Variants in COL22A1 observed in about 807,000 individuals in gnomAD.
COL22A1 encodes the protein collagen type XXII alpha 1 chain.
A neutral mutation model predicts 248.9 loss-of-function variants in COL22A1; 221 were observed. The observed-to-expected ratio is 0.89, with a 90% CI of 0.80 to 0.99. The LOEUF (loss-of-function observed/expected upper bound fraction) is 0.99, where lower values mean the gene tolerates loss of function less well. COL22A1 is among the 50% of genes least tolerant of loss of function. The probability of loss-of-function intolerance (pLI) is 0.00; values close to 1 mark genes in which losing one functional copy is unlikely to be tolerated. For missense variants in COL22A1, 2,240 were observed against 2,179.0 expected, an observed-to-expected ratio of 1.03 and a Z score of -0.56; for synonymous variants, 891 against 793.4, an observed-to-expected ratio of 1.12 and a Z score of -2.07.
chr8:138,885,937 C>A (rs1824633104), intron 1 of COL22A1, among the ~76,000 whole-genome samples: 1 of 152,172 alleles, frequency 6.6e-6, no homozygotes, highest in African/African-American at 2.4e-5. Context: ...GGGCTTATAT[C>A]AAATGCCTCA....
chr8:138,630,632 A>G, intron 50 of COL22A1, 63 bp downstream of exon 50: 2 of 1,460,708 alleles, frequency 1.4e-6, no homozygotes, highest in Non-Finnish European at 1.9e-6. Context: ...ATTGGCAAAC[A>G]CCTGGGGTTC....
intron 4 of COL22A1, among the ~76,000 whole-genome samples, chr8:138,836,327 A>C (rs147313994): frequency 1.3e-5 from 2 of 152,300 alleles, no homozygotes; most frequent in African/African-American, 4.8e-5. Flanking sequence ...GAAAAGGAAA[A>C]GGAAAAGACC....
intron 1 of COL22A1, among the ~76,000 whole-genome samples, chr8:138,886,156 G>A (rs1045134689): frequency 3.3e-5 from 5 of 152,208 alleles, no homozygotes; most frequent in African/African-American, 1.2e-4. Context: ...TGATGAATGA[G>A]TGGATGAATG....
At chr8:138,638,459 G>A (rs147113057) in intron 47 of COL22A1, among the ~76,000 whole-genome samples, 471 of 152,182 alleles carry the variant, frequency 3.1e-3, no homozygotes, top group African/African-American at 0.01. Context: ...GTGCCCCACA[G>A]TTCTCTCATG....
At chr8:138,697,155 C>T (rs1428469496) in intron 32 of COL22A1, among the ~76,000 whole-genome samples, 4 of 152,150 alleles carry the variant, frequency 2.6e-5, no homozygotes, top group African/African-American at 9.7e-5. Context: ...GCAGCACCTT[C>T]CCTCCAGGGG....
At chr8:138,671,142 A>T (rs1055479777) in intron 41 of COL22A1, among the ~76,000 whole-genome samples, 7 of 152,240 alleles carry the variant, frequency 4.6e-5, no homozygotes, top group African/African-American at 1.7e-4. Context: ...AACAATTTTT[A>T]AAAACTGCCA....
intron 56 of COL22A1, among the ~76,000 whole-genome samples, chr8:138,608,293 C>T (rs899378716): frequency 3.9e-5 from 6 of 152,206 alleles, no homozygotes; most frequent in Non-Finnish European, 7.3e-5. Flanking sequence ...TTCATTCATT[C>T]ATCTATTCAT....
chr8:138,691,828 GTGTGTGTATGTGGA>G (rs1409283662), intron 35 of COL22A1, among the ~76,000 whole-genome samples: 3 of 148,956 alleles, frequency 2.0e-5, no homozygotes, highest in South Asian at 2.2e-4. Context: ...GTTTGTGGAG[GTGTGTGTATGTGGA>G]GGTGTGTGTG....
At chr8:138,633,130 C>A (rs1466169254) in intron 49 of COL22A1, among the ~76,000 whole-genome samples, 1 of 152,210 alleles carries the variant, frequency 6.6e-6, no homozygotes, top group Non-Finnish European at 1.5e-5. Context: ...TAAAACAATG[C>A]ATACATGACC....
intron 4 of COL22A1, among the ~76,000 whole-genome samples, chr8:138,840,540 C>CACAT (rs987676584): frequency 1.3e-5 from 2 of 149,212 alleles, no homozygotes; most frequent in Non-Finnish European, 3.0e-5. Context: ...TGAGTACACA[C>CACAT]ACACACACAC....
intron 4 of COL22A1, among the ~76,000 whole-genome samples, chr8:138,842,585 T>C (rs543761412): frequency 3.3e-5 from 5 of 152,100 alleles, no homozygotes; most frequent in Non-Finnish European, 7.4e-5. Context: ...AGGCAAAAAG[T>C]GGGAATGTTG....
At chr8:138,905,302 C>G (rs1814926985) in intron 1 of COL22A1, among the ~76,000 whole-genome samples, 1 of 152,192 alleles carries the variant, frequency 6.6e-6, no homozygotes, top group Non-Finnish European at 1.5e-5. Flanking sequence ...CTTATACACT[C>G]ATTTAAACTT....
At chr8:138,685,098 T>C (rs1826238072) in intron 38 of COL22A1, 110 bp downstream of exon 38, 3 of 786,666 alleles carry the variant, frequency 3.8e-6, no homozygotes, top group African/African-American at 3.5e-5. Flanking sequence ...GCCCATTTCA[T>C]TGGCCACGGT....
chr8:138,634,291 G>A (rs898024939), intron 49 of COL22A1, among the ~76,000 whole-genome samples: 10 of 152,144 alleles, frequency 6.6e-5, no homozygotes, highest in African/African-American at 2.2e-4. Context: ...ATCCTTTTCG[G>A]TGGTCTTTCA....
rs773805328 is a variant in COL22A1, at chr8:138,752,092, G to A, written c.2032-581C>T. Among the ~76,000 whole-genome samples, 31 of 152,314 alleles carry A rather than the reference G, an allele frequency of 2.0e-4. 1 individual carries two copies. Among genetic ancestry groups the A allele is most frequent in the Admixed American group, 1.3e-3 (20 of 15,308 alleles). ...GAGCTCAGGCAAGTCACTTGGTGCC[G>A]TTAAACCTCGGTTATCTCATCTCTG... On this transcript the variant is annotated intron_variant, in intron 21 of 64. Coordinates refer to ENST00000303045, the MANE Select transcript of COL22A1 (RefSeq NM_152888.3).
At chr8:138,661,091 T>TAC (rs141620549) in intron 43 of COL22A1, among the ~76,000 whole-genome samples, 1,828 of 68,286 alleles carry the variant, frequency 0.027, 20 homozygotes, top group Middle Eastern at 0.1. Context: ...CACACAAACA[T>TAC]ACACACACAC....
intron 35 of COL22A1, 84 bp downstream of exon 35, chr8:138,693,562 C>G: frequency 7.2e-7 from 1 of 1,390,908 alleles, no homozygotes; most frequent in Non-Finnish European, 1.0e-6. Context: ...TAGCCCAGAG[C>G]TGTGAGCCAT....
intron 39 of COL22A1, among the ~76,000 whole-genome samples, chr8:138,682,689 ATTTTAT>A (rs1826054225): frequency 6.6e-6 from 1 of 151,850 alleles, no homozygotes; most frequent in Non-Finnish European, 1.5e-5. Context: ...GATGCACTTT[ATTTTAT>A]TTTTATTTAT....
chr8:138,703,539 T>C (rs1828144619), intron 30 of COL22A1, among the ~76,000 whole-genome samples, 192 bp from the exon 31 acceptor site: 1 of 152,214 alleles, frequency 6.6e-6, no homozygotes, highest in Admixed American at 6.5e-5. Context: ...TTCCAAATTA[T>C]AAACTATTTC....
Sources: gnomAD v4.1 joint callset for allele counts (sites outside exome capture counted in the v4.1 genomes callset) on GRCh38, gnomAD v4.1.1 for gene constraint, MANE v1.5 for transcripts, NCBI Gene and HGNC (gene_info 2026-07-23, HGNC 2026-07-21) for gene names.